Variants in NAALADL2 observed in about 807,000 individuals in gnomAD.
NAALADL2 encodes the protein N-acetylated alpha-linked acidic dipeptidase like 2, also known as inactive N-acetylated-alpha-linked acidic dipeptidase-like protein 2.
A neutral mutation model predicts 87.2 loss-of-function variants in NAALADL2; 76 were observed. That is an observed-to-expected ratio of 0.87 (90% CI 0.72 to 1.05). NAALADL2 has a LOEUF of 1.05. Among genes scored for constraint, NAALADL2 ranks in the 50% least tolerant of loss-of-function variants. NAALADL2 has a pLI of 0.00. For missense variants in NAALADL2, 1,089 were observed against 945.8 expected (o/e 1.15, Z -1.99); for synonymous variants, 354 against 331.0 (o/e 1.07, Z -0.75).
At chr3:175,665,937 A>C (rs961946524) in intron 11 of NAALADL2, among the ~76,000 whole-genome samples, 4 of 147,504 alleles carry the variant, frequency 2.7e-5, no homozygotes, top group East Asian at 2.0e-4. Flanking sequence ...CCCCCCCCCA[A>C]AAAAAAGGTT....
chr3:175,458,467 A>G (rs1014556962), intron 6 of NAALADL2, among the ~76,000 whole-genome samples: 1 of 112,060 alleles, frequency 8.9e-6, no homozygotes, highest in Non-Finnish European at 2.0e-5. Flanking sequence ...ATATATAGAT[A>G]TGTTCTCATG....
chr3:175,443,596 A>T (rs1258374692), intron 5 of NAALADL2, among the ~76,000 whole-genome samples: 1 of 152,180 alleles, frequency 6.6e-6, no homozygotes, highest in Non-Finnish European at 1.5e-5. Context: ...TTATTCTTCA[A>T]TTGTACACCA....
intron 1 of NAALADL2, chr3:174,864,015 C>CT: frequency 2.2e-6 from 1 of 453,830 alleles, no homozygotes; most frequent in African/African-American, 2.0e-5. Context: ...GCTGGAAAGT[C>CT]TCATAATCTC....
intron 3 of NAALADL2, among the ~76,000 whole-genome samples, chr3:174,840,213 A>G (rs1723864936): frequency 6.6e-6 from 1 of 151,730 alleles, no homozygotes; most frequent in Non-Finnish European, 1.5e-5. Context: ...GTGTATATAT[A>G]TATAGTCTCA....
chr3:175,192,236 TATAA>T (rs1738315064), intron 2 of NAALADL2, among the ~76,000 whole-genome samples: 1 of 152,080 alleles, frequency 6.6e-6, no homozygotes, highest in Non-Finnish European at 1.5e-5. Context: ...TATAGTTATT[TATAA>T]ATAAAGTAAA....
At position 174,494,293 on chromosome 3, in the gene NAALADL2, AT is replaced by A. The variant is rs577053789; in HGVS notation, c.-184+53262del. Among the ~76,000 whole-genome samples, 60 of 152,306 alleles carry A rather than the reference AT, an allele frequency of 3.9e-4. No individual in the cohort carries two copies. The South Asian group carries it at 0.012, about 31-fold the overall frequency. ...ACAGGTTTTAAGCAGGAGGTGAGAAATAATCAGATTTGCTTTTTACAACATT... is the reference window on the plus strand; with the variant it reads ...ACAGGTTTTAAGCAGGAGGTGAGAAAAATCAGATTTGCTTTTTACAACATT... On this transcript the variant is annotated intron_variant, in intron 1 of 3. Coordinates refer to the NAALADL2 transcript ENST00000434257.
chr3:175,710,119 G>A (rs1740322889), intron 11 of NAALADL2, among the ~76,000 whole-genome samples: 1 of 151,986 alleles, frequency 6.6e-6, no homozygotes, highest in South Asian at 2.1e-4. Context: ...AAGGCTTGGG[G>A]AGAGATAGAT....
Position 174,930,911 on chromosome 3 carries a change from C to T in NAALADL2, c.43+71461C>T, listed in dbSNP as rs534521897. Reference sequence around the variant, plus strand: ...TGCTGGGATTACAGGCATGAGCCACCACGCCCGGCCAAGATGAACATTTTA... The same window carrying T: ...TGCTGGGATTACAGGCATGAGCCACTACGCCCGGCCAAGATGAACATTTTA... On this transcript the variant is annotated intron_variant, in intron 1 of 13. Transcript: ENST00000454872. Among the ~76,000 whole-genome samples the T allele has an allele frequency of 2.8e-4, 42 of 151,978 alleles. No homozygotes were observed. In the East Asian group the frequency reaches 4.5e-3, roughly 16 times the overall value.
intron 5 of NAALADL2, among the ~76,000 whole-genome samples, chr3:175,349,898 T>C (rs576615185): frequency 3.8e-4 from 58 of 152,188 alleles, no homozygotes; most frequent in African/African-American, 1.4e-3. Context: ...AGTGGACTTA[T>C]TGGATGGAAA....
At chr3:175,768,181 C>T (rs547058608) in intron 13 of NAALADL2, among the ~76,000 whole-genome samples, 1 of 152,240 alleles carries the variant, frequency 6.6e-6, no homozygotes, top group African/African-American at 2.4e-5. Flanking sequence ...TATCAGGATA[C>T]TGCCTATGAG....
At chr3:174,468,876 C>T (rs763642895) in intron 1 of NAALADL2, among the ~76,000 whole-genome samples, 2 of 150,454 alleles carry the variant, frequency 1.3e-5, no homozygotes, top group African/African-American at 2.5e-5. Context: ...TGTTCTCCTG[C>T]CTTAGCCTTC....
intron 9 of NAALADL2, among the ~76,000 whole-genome samples, chr3:175,565,872 C>G (rs1266870521): frequency 7.5e-6 from 1 of 133,836 alleles, no homozygotes; most frequent in African/African-American, 2.7e-5. Context: ...CTCTGTCCCC[C>G]AGGCTGGAGT....
chr3:175,383,974 A>T (rs1465515871), intron 5 of NAALADL2, among the ~76,000 whole-genome samples: 3 of 152,052 alleles, frequency 2.0e-5, no homozygotes, highest in Non-Finnish European at 4.4e-5. Context: ...GGTTCATATA[A>T]TTCTTGTTTC....
chr3:175,268,996 TG>T (rs1312304814), intron 4 of NAALADL2, among the ~76,000 whole-genome samples: 5 of 151,584 alleles, frequency 3.3e-5, no homozygotes, highest in African/African-American at 1.2e-4. Flanking sequence ...TGAAATGCAG[TG>T]GCATGATCTC....
chr3:174,841,714 T>C (rs1450379656), intron 3 of NAALADL2, among the ~76,000 whole-genome samples: 7 of 152,240 alleles, frequency 4.6e-5, no homozygotes, highest in Non-Finnish European at 8.8e-5. Flanking sequence ...AACATTTTCA[T>C]TGCATTTTTA....
At chr3:174,465,526 T>G (rs905933178) in intron 1 of NAALADL2, among the ~76,000 whole-genome samples, 1 of 152,234 alleles carries the variant, frequency 6.6e-6, no homozygotes, top group Non-Finnish European at 1.5e-5. Flanking sequence ...TTTAAATGTT[T>G]CCAAATAGTT....
chr3:175,327,033 C>A (rs891323681), intron 5 of NAALADL2, among the ~76,000 whole-genome samples: 1 of 151,338 alleles, frequency 6.6e-6, no homozygotes, highest in African/African-American at 2.4e-5. Context: ...TAATTTAGAA[C>A]AACCCAAAAT....
At chr3:175,021,012 A>G (rs1315857791) in intron 1 of NAALADL2, among the ~76,000 whole-genome samples, 4 of 152,082 alleles carry the variant, frequency 2.6e-5, no homozygotes, top group African/African-American at 9.7e-5. Flanking sequence ...ACAGAACATA[A>G]AACATGACAA....
chr3:174,706,162 C>T (rs1047633351), intron 2 of NAALADL2, among the ~76,000 whole-genome samples: 1 of 152,162 alleles, frequency 6.6e-6, no homozygotes. Context: ...CTCACATACA[C>T]AATCGTCTTT....
Sources: gnomAD v4.1 joint callset for allele counts (sites outside exome capture counted in the v4.1 genomes callset) on GRCh38, gnomAD v4.1.1 for gene constraint, MANE v1.5 for transcripts, NCBI Gene and HGNC (gene_info 2026-07-23, HGNC 2026-07-21) for gene names.